The following NECTIN3 variants were observed in gnomAD, a reference collection of about 807,000 sequenced individuals.
NECTIN3 encodes the protein nectin cell adhesion molecule 3.
In NECTIN3, 8 loss-of-function variants were observed where a neutral mutation model predicts 49.4. The observed-to-expected ratio is 0.16, with a 90% CI of 0.10 to 0.29. NECTIN3 has a LOEUF of 0.29. Ranked by LOEUF, NECTIN3 falls within the 10% of genes least tolerant of loss-of-function variation. The pLI is 1.00. For synonymous variants in NECTIN3, 277 were observed against 241.1 expected (o/e 1.15, Z -1.38); for missense variants, 581 against 654.6 (o/e 0.89, Z 1.23).
intron 6 of NECTIN3, among the ~76,000 whole-genome samples, chr3:111,145,725 G>T (rs2034857571): frequency 6.6e-6 from 1 of 152,156 alleles, no homozygotes; most frequent in African/African-American, 2.4e-5. Flanking sequence ...AGTAGAATAA[G>T]ATAATATTTT....
intron 1 of NECTIN3, among the ~76,000 whole-genome samples, chr3:111,097,838 G>T (rs1039540141): frequency 6.6e-6 from 1 of 151,976 alleles, no homozygotes; most frequent in African/African-American, 2.4e-5. Flanking sequence ...CCACTCTCGG[G>T]TGTATCTTTA....
intron 7 of NECTIN3, among the ~76,000 whole-genome samples, chr3:111,165,576 T>C (rs2035303832): frequency 6.6e-6 from 1 of 152,162 alleles, no homozygotes; most frequent in African/African-American, 2.4e-5. Context: ...GAGTACGGTA[T>C]GGAATTGACA....
chr3:111,160,305 T>G (rs779294197), intron 7 of NECTIN3, among the ~76,000 whole-genome samples: 5 of 152,238 alleles, frequency 3.3e-5, no homozygotes, highest in Non-Finnish European at 7.3e-5. Flanking sequence ...ATATTCATTT[T>G]GTTAACCCAA....
intron 1 of NECTIN3, chr3:111,193,234 A>T (rs2035844366): frequency 1.3e-6 from 2 of 1,535,704 alleles, no homozygotes; most frequent in Non-Finnish European, 1.7e-6. Flanking sequence ...GACTATGAAG[A>T]TGAGAATCCA....
At chr3:111,188,915 C>T (rs1467974198), upstream of NECTIN3, among the ~76,000 whole-genome samples, 1 of 152,276 alleles carries the variant, frequency 6.6e-6, no homozygotes, top group Non-Finnish European at 1.5e-5. Context: ...TTCCCTTGAA[C>T]TCTTGAGGCC....
chr3:111,152,111 G>A (rs1044711899), intron 7 of NECTIN3, among the ~76,000 whole-genome samples: 4 of 151,644 alleles, frequency 2.6e-5, no homozygotes, highest in African/African-American at 9.7e-5. Flanking sequence ...TCTTTTTTAT[G>A]TCTACGTAGT....
chr3:111,158,778 T>C (rs934454430), intron 7 of NECTIN3, among the ~76,000 whole-genome samples: 4 of 152,090 alleles, frequency 2.6e-5, no homozygotes, highest in Non-Finnish European at 5.9e-5. Context: ...AATAGGTCTT[T>C]GAAAGACACC....
intron 7 of NECTIN3, among the ~76,000 whole-genome samples, chr3:111,151,093 C>A (rs1258212655): frequency 6.6e-6 from 1 of 151,720 alleles, no homozygotes; most frequent in African/African-American, 2.4e-5. Context: ...ATTCTTAGTG[C>A]ATAACACAGT....
At position 111,111,883 on chromosome 3, in the gene NECTIN3, ATGTGTGTGTG is replaced by A. The variant is rs375316132; in HGVS notation, c.161-142_161-133del. 66 of 546,074 alleles carry A rather than the reference ATGTGTGTGTG, an allele frequency of 1.2e-4. No homozygotes were observed. In the African/African-American group the frequency reaches 1.2e-3, roughly 10 times the overall value. The allele number at this position is 546,074 out of a possible 1,614,324, so 33.8% of individuals were successfully genotyped here. On this transcript the variant is annotated intron_variant, in intron 1 of 5. Coordinates refer to ENST00000485303, the MANE Select transcript of NECTIN3 (RefSeq NM_015480.3). ...TTTTGTGTGTGGTGCGTGTGAGTGCATGTGTGTGTGTGTGCATGTGTGTGTGTGTGTGTGT... is the reference window on the plus strand; with the variant it reads ...TTTTGTGTGTGGTGCGTGTGAGTGCATGTGCATGTGTGTGTGTGTGTGTGT...
chr3:111,146,163 G>A (rs188209868), intron 6 of NECTIN3, among the ~76,000 whole-genome samples: 1 of 152,216 alleles, frequency 6.6e-6, no homozygotes, highest in African/African-American at 2.4e-5. Flanking sequence ...GGCCGAGCGC[G>A]GTGGCTCACG....
chr3:111,083,236 G>A (rs187606994), intron 1 of NECTIN3, among the ~76,000 whole-genome samples: 6 of 152,196 alleles, frequency 3.9e-5, no homozygotes, highest in Admixed American at 1.3e-4. Flanking sequence ...GGAAAGAAAG[G>A]AAAGAGAAAA....
In NECTIN3 at chr3:111,155,542, A is replaced by T. The variant is rs542128880; in HGVS notation, c.1221+8058A>T. Among the ~76,000 whole-genome samples, 6 of 152,354 alleles carry T rather than the reference A, an allele frequency of 3.9e-5. No individual in the cohort carries two copies. In the South Asian group the frequency reaches 1.2e-3, roughly 32 times the overall value. ...TTTGTAAATACAAAAAAGTCTGGAC[A>T]GAGAGCTGAACTATTATAAATGTTT... On this transcript the variant is annotated intron_variant, in intron 7 of 8. Coordinates refer to the NECTIN3 transcript ENST00000493615.
At chr3:111,080,813 CATT>C (rs982205815) in intron 1 of NECTIN3, among the ~76,000 whole-genome samples, 1 of 152,100 alleles carries the variant, frequency 6.6e-6, no homozygotes, top group Non-Finnish European at 1.5e-5. Flanking sequence ...CTTATGAACT[CATT>C]AATACGATTA....
At chr3:111,178,415 C>G (rs770401435) in intron 7 of NECTIN3, among the ~76,000 whole-genome samples, 1 of 152,124 alleles carries the variant, frequency 6.6e-6, no homozygotes, top group Non-Finnish European at 1.5e-5. Flanking sequence ...TGAGTATAAA[C>G]AGACACTCAA....
At chr3:111,121,775 T>A (rs949543828) in intron 3 of NECTIN3, among the ~76,000 whole-genome samples, 1 of 152,204 alleles carries the variant, frequency 6.6e-6, no homozygotes, top group East Asian at 1.9e-4. Context: ...AATACTATAA[T>A]GTATTTGCTT....
intron 1 of NECTIN3, among the ~76,000 whole-genome samples, chr3:111,110,269 C>G (rs138639167): frequency 3.3e-5 from 5 of 151,276 alleles, no homozygotes; most frequent in Non-Finnish European, 5.9e-5. Flanking sequence ...TTTTTAATAC[C>G]CATGCCTCTT....
chr3:111,120,798 C>A, intron 3 of NECTIN3, among the ~76,000 whole-genome samples: 1 of 151,988 alleles, frequency 6.6e-6, no homozygotes, highest in East Asian at 1.9e-4. Context: ...AGCCTTTTAT[C>A]ACCTCCAGCC....
chr3:111,173,674 C>T (rs1321332209), intron 7 of NECTIN3, among the ~76,000 whole-genome samples: 1 of 152,188 alleles, frequency 6.6e-6, no homozygotes, highest in Non-Finnish European at 1.5e-5. Flanking sequence ...ATCCTCCTCA[C>T]TCTTAGACTC....
chr3:111,121,257 C>T (rs2033940790), intron 3 of NECTIN3, among the ~76,000 whole-genome samples: 1 of 151,576 alleles, frequency 6.6e-6, no homozygotes, highest in Admixed American at 6.6e-5. Context: ...TCATGATCCT[C>T]CCGCCTCAGC....
Sources: allele counts gnomAD v4.1 joint callset (sites outside exome capture counted in the v4.1 genomes callset), GRCh38; gene constraint gnomAD v4.1.1; transcripts MANE v1.5; gene names NCBI Gene and HGNC (gene_info 2026-07-23, HGNC 2026-07-21).